STPG1: variants seen among roughly 807,000 people sequenced by gnomAD.
STPG1 encodes the protein O(6)-methylguanine-induced apoptosis 2.
Under a neutral mutation model 40.1 loss-of-function variants are expected in STPG1, and 33 were observed. The ratio of observed to expected loss-of-function variants is 0.82; its 90% confidence interval spans 0.62 to 1.10. The LOEUF (loss-of-function observed/expected upper bound fraction) is 1.10, where lower values mean the gene tolerates loss of function less well. Ranked by LOEUF, STPG1 falls within the 50% of genes least tolerant of loss-of-function variation. The pLI, the probability that STPG1 is intolerant of heterozygous loss-of-function variation, is 0.00. For missense variants in STPG1, 396 were observed against 415.1 expected (o/e 0.95, Z 0.40); for synonymous variants, 150 against 155.0 (o/e 0.97, Z 0.24).
intron 3 of STPG1, among the ~76,000 whole-genome samples, chr1:24,389,506 A>G (rs956554125): frequency 6.6e-6 from 1 of 152,168 alleles, no homozygotes; most frequent in Non-Finnish European, 1.5e-5. Flanking sequence ...TGAGCCTCTT[A>G]AGTGCCAAAC....
rs1442675688 is a variant in STPG1 at position 24,357,784 on chromosome 1, A to G, written c.*759T>C. The stretch of plus-strand genomic sequence containing the variant: ...CCCTCCACATAGAGAGACGAAAGCT[A>G]TCAGGCCTAGACAGGCCATGTGGAC... On this transcript the variant is annotated 3_prime_UTR_variant, in exon 9 of 9. Coordinates refer to ENST00000337248, the MANE Select transcript of STPG1 (RefSeq NM_001199013.2). 5.1e-6 allele frequency: 1 copy of G among 197,464 alleles called. No homozygotes were observed. Among genetic ancestry groups the G allele is most frequent in the Non-Finnish European group, 1.1e-5 (1 of 93,074 alleles). The allele number at this position is 197,464 out of a possible 1,614,324, so 12.2% of individuals were successfully genotyped here. A position where few individuals can be genotyped will look rare whatever the true frequency, so the allele number is the denominator to read the frequency against.
At chr1:24,380,881 T>C (rs1409293549) in intron 4 of STPG1, among the ~76,000 whole-genome samples, 2 of 152,188 alleles carry the variant, frequency 1.3e-5, no homozygotes, top group Non-Finnish European at 2.9e-5. Flanking sequence ...CAAACTCGAA[T>C]TCTAATAAGA....
At chr1:24,385,442 G>A (rs1642464405) in intron 3 of STPG1, among the ~76,000 whole-genome samples, 1 of 152,182 alleles carries the variant, frequency 6.6e-6, no homozygotes. Flanking sequence ...GAGAGCCCAG[G>A]AGAACCCTCG....
intron 2 of STPG1, chr1:24,391,951 A>T: frequency 2.6e-6 from 3 of 1,138,732 alleles, no homozygotes; most frequent in Non-Finnish European, 3.2e-6. Context: ...GGAGAAAAGG[A>T]AGGAGATGAT....
At chr1:24,386,629 GTC>G (rs978779588) in intron 3 of STPG1, among the ~76,000 whole-genome samples, 9 of 152,246 alleles carry the variant, frequency 5.9e-5, no homozygotes, top group Admixed American at 3.3e-4. Flanking sequence ...GGAGGGAAAT[GTC>G]AAGCGTTCTC....
intron 5 of STPG1, among the ~76,000 whole-genome samples, chr1:24,378,364 G>T (rs138908094): frequency 6.6e-6 from 1 of 152,094 alleles, no homozygotes; most frequent in Non-Finnish European, 1.5e-5. Context: ...GGCCGGGCAC[G>T]GTGGCTCCCG....
intron 5 of STPG1, among the ~76,000 whole-genome samples, chr1:24,375,952 C>T (rs1315147690): frequency 2.0e-5 from 3 of 152,166 alleles, no homozygotes; most frequent in African/African-American, 4.8e-5. Flanking sequence ...TGCATGTGTG[C>T]TGTGTACAGA....
At chr1:24,413,311 A>G (rs1643816562) in intron 1 of STPG1, among the ~76,000 whole-genome samples, 1 of 152,226 alleles carries the variant, frequency 6.6e-6, no homozygotes, top group Non-Finnish European at 1.5e-5. Context: ...ACCTATGAGT[A>G]GAGATCAGGT....
chr1:24,401,089 T>C (rs1023255288), intron 2 of STPG1: 4 of 438,452 alleles, frequency 9.1e-6, no homozygotes, highest in Non-Finnish European at 1.6e-5. Context: ...TTTTGTTTAT[T>C]AGTTTTTTAT....
Position 24,397,293 on chromosome 1 carries a change from G to A in STPG1, c.70+4026C>T, listed in dbSNP as rs185521908. On this transcript the variant is annotated intron_variant, in intron 2 of 8. Coordinates refer to ENST00000337248, the MANE Select transcript of STPG1 (RefSeq NM_001199013.2). ...TTAAACAAGTAGATAGATCAGTAAAGATATATGAAACCTGAACAAAACTAT... is the reference window on the plus strand; with the variant it reads ...TTAAACAAGTAGATAGATCAGTAAAAATATATGAAACCTGAACAAAACTAT... 3.5e-3 allele frequency among the ~76,000 whole-genome samples: 535 copies of A among 152,288 alleles called. 2 individuals are homozygous for A. Among genetic ancestry groups the A allele is most frequent in the Non-Finnish European group, 5.2e-3 (357 of 68,016 alleles).
intron 6 of STPG1, among the ~76,000 whole-genome samples, chr1:24,370,515 A>G (rs1056288298): frequency 6.6e-6 from 1 of 151,766 alleles, no homozygotes; most frequent in Non-Finnish European, 1.5e-5. Flanking sequence ...TTTTTGAGAC[A>G]GAGTCTCGCT....
chr1:24,406,982 G>T (rs114948708), intron 1 of STPG1, among the ~76,000 whole-genome samples: 3,136 of 152,030 alleles, frequency 0.021, 124 homozygotes, highest in African/African-American at 0.072. Context: ...TCTTTTCATT[G>T]TGAAAAACTG....
chr1:24,377,096 T>TAAA (rs5773086), intron 5 of STPG1, among the ~76,000 whole-genome samples: 221 of 145,432 alleles, frequency 1.5e-3, no homozygotes, highest in African/African-American at 5.3e-3. Context: ...CCATCTCTAC[T>TAAA]AAAAAAAAAA....
rs1222841448 is a variant in STPG1 at position 24,359,384 on chromosome 1, T to C, written c.929-765A>G. Among the ~76,000 whole-genome samples the C allele has an allele frequency of 6.6e-6, 1 of 152,242 alleles. No individual in the cohort carries two copies. Among genetic ancestry groups the C allele is most frequent in the East Asian group, 1.9e-4 (1 of 5,202 alleles). ...CAAAGCAGGATCCCTGCCTATGCCC[T>C]ACCCTCTCTGGAGCTCACCCCTTGT... On this transcript the variant is annotated intron_variant, in intron 8 of 8. Transcript: ENST00000337248. This position sits in a 1 kb window ranked among gnomAD's most constrained non-coding sequence, Gnocchi z 5.3.
intron 1 of STPG1, among the ~76,000 whole-genome samples, chr1:24,404,951 GTTC>G (rs1643359272): frequency 6.6e-6 from 1 of 151,724 alleles, no homozygotes; most frequent in Non-Finnish European, 1.5e-5. Flanking sequence ...GGTTTCATTT[GTTC>G]TTCTCTTTCT....
chr1:24,397,987 T>G (rs1475954428), intron 2 of STPG1, among the ~76,000 whole-genome samples: 1 of 152,266 alleles, frequency 6.6e-6, no homozygotes, highest in South Asian at 2.1e-4. Flanking sequence ...GATCATATGT[T>G]TAACTTTTTA....
At chr1:24,375,223 C>T (rs551745236) in intron 5 of STPG1, among the ~76,000 whole-genome samples, 15 of 152,102 alleles carry the variant, frequency 9.9e-5, no homozygotes, top group Non-Finnish European at 1.6e-4. Flanking sequence ...TTCTGTTACA[C>T]GTGAATCATA....
intron 2 of STPG1, among the ~76,000 whole-genome samples, chr1:24,396,944 T>C (rs1228678978): frequency 6.6e-6 from 1 of 152,172 alleles, no homozygotes; most frequent in African/African-American, 2.4e-5. Context: ...TGGAGAAACA[T>C]ACTTGAAATA....
At chr1:24,368,035 C>T (rs1020692773) in intron 7 of STPG1, among the ~76,000 whole-genome samples, 2 of 152,004 alleles carry the variant, frequency 1.3e-5, no homozygotes, top group African/African-American at 2.4e-5. Context: ...GTAGAGATGC[C>T]GCATGCCAGC....
Sources: gnomAD v4.1 joint callset for allele counts (sites outside exome capture counted in the v4.1 genomes callset) on GRCh38, gnomAD v4.1.1 for gene constraint, Gnocchi (gnomAD v3.1) non-coding constraint, MANE v1.5 for transcripts, NCBI Gene and HGNC (gene_info 2026-07-23, HGNC 2026-07-21) for gene names.